Variants in EXOC6B observed in about 807,000 individuals in gnomAD.
The protein encoded by EXOC6B is SEC15 homolog B.
EXOC6B carries 54 observed loss-of-function variants against 113.5 expected under a neutral mutation model. That is an observed-to-expected ratio of 0.48 (90% confidence interval 0.38 to 0.60). The LOEUF is 0.60. EXOC6B is among the 20% of genes least tolerant of loss of function. The pLI, the probability that EXOC6B is intolerant of heterozygous loss-of-function variation, is 0.00. For missense variants in EXOC6B, 797 were observed against 977.5 expected, an observed-to-expected ratio of 0.82 and a Z score of 2.46; for synonymous variants, 357 against 339.0, an observed-to-expected ratio of 1.05 and a Z score of -0.58.
At chr2:72,419,658 C>T (rs577766648) in intron 18 of EXOC6B, among the ~76,000 whole-genome samples, 5 of 152,266 alleles carry the variant, frequency 3.3e-5, no homozygotes, top group African/African-American at 7.2e-5. Flanking sequence ...ATTTCTGATG[C>T]GATATGTGCT....
intron 6 of EXOC6B, among the ~76,000 whole-genome samples, chr2:72,659,633 T>G (rs1478234884): frequency 2.0e-5 from 3 of 152,108 alleles, no homozygotes; most frequent in African/African-American, 7.2e-5. Flanking sequence ...GACCACAGTG[T>G]TGGAAAATGG....
intron 6 of EXOC6B, among the ~76,000 whole-genome samples, chr2:72,608,587 C>T (rs1670885483): frequency 6.6e-6 from 1 of 152,080 alleles, no homozygotes; most frequent in African/African-American, 2.4e-5. Flanking sequence ...ACACAGTCAG[C>T]AGCTATAAAA....
intron 16 of EXOC6B, among the ~76,000 whole-genome samples, chr2:72,484,632 G>A (rs2105507251): frequency 6.6e-6 from 1 of 150,924 alleles, no homozygotes; most frequent in African/African-American, 2.4e-5. Flanking sequence ...CCTGGTATGT[G>A]TTGTTCCCTT....
chr2:72,235,963 G>A (rs1207081026), intron 20 of EXOC6B, among the ~76,000 whole-genome samples: 1 of 152,168 alleles, frequency 6.6e-6, no homozygotes, highest in African/African-American at 2.4e-5. Context: ...CCATATAGAA[G>A]TGCTTAACAG....
At chr2:72,489,577 T>G (rs1337690078) in intron 16 of EXOC6B, among the ~76,000 whole-genome samples, 4 of 152,192 alleles carry the variant, frequency 2.6e-5, no homozygotes, top group Non-Finnish European at 5.9e-5. Context: ...GTGAAATACA[T>G]GCTACCATTA....
chr2:72,592,310 A>G (rs1332487878), intron 6 of EXOC6B, among the ~76,000 whole-genome samples: 1 of 152,148 alleles, frequency 6.6e-6, no homozygotes, highest in Non-Finnish European at 1.5e-5. Flanking sequence ...GGCACTTTTG[A>G]CAATGCCAAA....
intron 6 of EXOC6B, among the ~76,000 whole-genome samples, chr2:72,625,845 G>T (rs1672018801): frequency 6.6e-6 from 1 of 152,138 alleles, no homozygotes; most frequent in Non-Finnish European, 1.5e-5. Context: ...TTCACATGTG[G>T]TCATCATTTA....
At chr2:72,212,670 C>A (rs771998561) in intron 20 of EXOC6B, among the ~76,000 whole-genome samples, 3 of 152,192 alleles carry the variant, frequency 2.0e-5, no homozygotes, top group Non-Finnish European at 1.5e-5. Flanking sequence ...AGAAGCAGAG[C>A]TCAAGCCAAG....
At chr2:72,610,527 C>T (rs1046185709) in intron 6 of EXOC6B, among the ~76,000 whole-genome samples, 2 of 152,202 alleles carry the variant, frequency 1.3e-5, no homozygotes, top group Non-Finnish European at 1.5e-5. Flanking sequence ...CATTAAGGGA[C>T]ATAGAAGGTA....
intron 18 of EXOC6B, among the ~76,000 whole-genome samples, chr2:72,405,566 G>T (rs1414685589): frequency 6.6e-6 from 1 of 152,170 alleles, no homozygotes; most frequent in Non-Finnish European, 1.5e-5. Flanking sequence ...TTACAGAAAA[G>T]AATTTTCAAC....
At chr2:72,302,874 G>A (rs975234538) in intron 20 of EXOC6B, among the ~76,000 whole-genome samples, 1 of 151,992 alleles carries the variant, frequency 6.6e-6, no homozygotes, top group Non-Finnish European at 1.5e-5. Flanking sequence ...TTGTTAGCCG[G>A]TTGTTATGCC....
At chr2:72,252,249 G>A (rs1372009541) in intron 20 of EXOC6B, among the ~76,000 whole-genome samples, 1 of 152,004 alleles carries the variant, frequency 6.6e-6, no homozygotes, top group Non-Finnish European at 1.5e-5. Context: ...TATAAACAGG[G>A]GTAAAATTTC....
At chr2:72,319,971 G>A (rs1687757043) in intron 20 of EXOC6B, among the ~76,000 whole-genome samples, 1 of 151,808 alleles carries the variant, frequency 6.6e-6, no homozygotes, top group Non-Finnish European at 1.5e-5. Flanking sequence ...TGAGTAGCTG[G>A]GACAACAGGC....
At chr2:72,310,325 C>A (rs547633046) in intron 20 of EXOC6B, among the ~76,000 whole-genome samples, 1 of 152,110 alleles carries the variant, frequency 6.6e-6, no homozygotes, top group African/African-American at 2.4e-5. Context: ...AAAATTATAG[C>A]CAACCTGGTG....
chr2:72,342,839 G>C (rs1212590901), intron 19 of EXOC6B, among the ~76,000 whole-genome samples: 3 of 152,194 alleles, frequency 2.0e-5, no homozygotes, highest in South Asian at 2.1e-4. Flanking sequence ...TAAAACTATA[G>C]TTACCGTATG....
chr2:72,474,930 G>T (rs991121141), intron 17 of EXOC6B, among the ~76,000 whole-genome samples: 2 of 152,138 alleles, frequency 1.3e-5, no homozygotes, highest in African/African-American at 4.8e-5. Context: ...TCCAGAAGAT[G>T]TATCTATGCT....
chr2:72,422,387 C>A (rs1430503606), intron 18 of EXOC6B, among the ~76,000 whole-genome samples: 5 of 152,126 alleles, frequency 3.3e-5, no homozygotes, highest in African/African-American at 9.7e-5. Context: ...TTTGTGAGTG[C>A]ACCAATTGAC....
At chr2:72,779,636 C>A (rs1457679850) in intron 1 of EXOC6B, among the ~76,000 whole-genome samples, 2 of 152,150 alleles carry the variant, frequency 1.3e-5, no homozygotes, top group Non-Finnish European at 2.9e-5. Flanking sequence ...ACCACACACT[C>A]CACACCCCAC....
intron 1 of EXOC6B, among the ~76,000 whole-genome samples, chr2:72,809,530 T>A (rs1685760183): frequency 6.6e-6 from 1 of 150,460 alleles, no homozygotes; most frequent in South Asian, 2.1e-4. Context: ...GAATGTAAAA[T>A]AACCCAAAGT....
Sources: allele counts gnomAD v4.1 joint callset (sites outside exome capture counted in the v4.1 genomes callset), GRCh38; gene constraint gnomAD v4.1.1; transcripts MANE v1.5; gene names NCBI Gene and HGNC (gene_info 2026-07-23, HGNC 2026-07-21).